The following PHF24 variants were observed in gnomAD, a reference collection of about 807,000 sequenced individuals.
PHF24 encodes the protein Galpha inhibitory interacting protein.
In PHF24, 25 loss-of-function variants were observed where a neutral mutation model predicts 42.6. That is an observed-to-expected ratio of 0.59 (90% CI 0.43 to 0.82). PHF24 has a LOEUF of 0.82. PHF24 is among the 40% of genes least tolerant of loss of function. The pLI, the probability that PHF24 is intolerant of heterozygous loss-of-function variation, is 0.00. For missense variants in PHF24, 470 were observed against 538.1 expected (o/e 0.87, Z 1.25); for synonymous variants, 185 against 204.8 (o/e 0.90, Z 0.83).
At chr9:34,885,763 G>A in the PHF24 span, among the ~76,000 whole-genome samples, 1 of 152,100 alleles carries the variant, frequency 6.6e-6, no homozygotes, top group South Asian at 2.1e-4. Flanking sequence ...GATCTCTCCT[G>A]CTGGTACAGT....
At chr9:34,978,654 T>C (rs541805478) in exon 8 of PHF24, 1 of 153,528 alleles carries the variant, frequency 6.5e-6, no homozygotes, top group Non-Finnish European at 1.5e-5. Flanking sequence ...AAATCCCTTC[T>C]GCAGTCAGCT....
chr9:34,741,439 C>T, the PHF24 span, among the ~76,000 whole-genome samples: 9 of 151,608 alleles, frequency 5.9e-5, no homozygotes, highest in South Asian at 2.1e-4. Context: ...CTTGGCTCAC[C>T]GCAACCTCCA....
In PHF24 at chr9:34,958,608, AC is replaced by A. The variant is rs1330512123; in HGVS notation, c.-5+212del. On this transcript the variant is annotated intron_variant, in intron 1 of 7. Coordinates refer to ENST00000242315, the Ensembl canonical transcript of PHF24. This position sits in a 1 kb window ranked among gnomAD's most constrained non-coding sequence, Gnocchi z 4.5. ...GCTGTGGGGAGCCGCCCCCATAAAG[AC>A]CCCCTGTGGGAATGGACTCCCGCGG... Among the ~76,000 whole-genome samples the A allele has an allele frequency of 2.0e-5, 3 of 151,136 alleles. No individual in the cohort carries two copies. The highest frequency in any genetic ancestry group is 4.4e-5 in the Non-Finnish European group (3 of 67,776).
At chr9:34,913,367 A>G in the PHF24 span, among the ~76,000 whole-genome samples, 8 of 152,328 alleles carry the variant, frequency 5.3e-5, no homozygotes, top group East Asian at 7.7e-4. Flanking sequence ...AATGAATTCA[A>G]GAAAACCATG....
At chr9:34,801,726 C>CAA in the PHF24 span, among the ~76,000 whole-genome samples, 5 of 146,134 alleles carry the variant, frequency 3.4e-5, no homozygotes, top group Admixed American at 6.8e-5. Flanking sequence ...GACTCCATCT[C>CAA]AAAAAAAAAA....
the PHF24 span, among the ~76,000 whole-genome samples, chr9:34,934,555 G>A: frequency 6.8e-6 from 1 of 147,844 alleles, no homozygotes. Flanking sequence ...CTCAGCAAAG[G>A]CTGAATTCTG....
chr9:34,827,899 C>T, the PHF24 span, among the ~76,000 whole-genome samples: 1 of 152,124 alleles, frequency 6.6e-6, no homozygotes, highest in East Asian at 1.9e-4. Flanking sequence ...TGCTGTTGCT[C>T]AGGTTCCATG....
At chr9:34,714,650 A>C in the PHF24 span, among the ~76,000 whole-genome samples, 5 of 152,198 alleles carry the variant, frequency 3.3e-5, no homozygotes, top group African/African-American at 1.2e-4. Context: ...CACACTCTAG[A>C]TTGACACAGA....
the PHF24 span, among the ~76,000 whole-genome samples, chr9:34,675,360 G>A: frequency 0.01 from 1,525 of 152,268 alleles, 14 homozygotes; most frequent in Non-Finnish European, 0.014. Context: ...GGCCTAAGTG[G>A]GCTGTCATGT....
At chr9:34,710,404 C>T in the PHF24 span, among the ~76,000 whole-genome samples, 23 of 152,160 alleles carry the variant, frequency 1.5e-4, no homozygotes, top group African/African-American at 2.6e-4. Context: ...CTCCTCACTA[C>T]GCTCCAGGAT....
the PHF24 span, among the ~76,000 whole-genome samples, chr9:34,795,762 C>T: frequency 6.3e-3 from 957 of 152,084 alleles, 8 homozygotes; most frequent in Middle Eastern, 0.041. Flanking sequence ...TTTGGGAGTC[C>T]GAGGTGGGAG....
chr9:34,700,405 A>T, the PHF24 span, among the ~76,000 whole-genome samples: 1 of 152,186 alleles, frequency 6.6e-6, no homozygotes, highest in Non-Finnish European at 1.5e-5. Context: ...GATTCTGGAA[A>T]CAAAGTAGAG....
the PHF24 span, among the ~76,000 whole-genome samples, chr9:34,878,780 G>A: frequency 2.0e-5 from 3 of 152,204 alleles, no homozygotes; most frequent in Admixed American, 1.3e-4. Context: ...TAGACTTCAC[G>A]TCTGGGGGCA....
chr9:34,743,667 GA>G, the PHF24 span, among the ~76,000 whole-genome samples: 1 of 152,156 alleles, frequency 6.6e-6, no homozygotes, highest in Non-Finnish European at 1.5e-5. Context: ...GAGTTTGTGC[GA>G]AAAATTTACA....
chr9:34,693,513 C>T, the PHF24 span, among the ~76,000 whole-genome samples: 3 of 152,114 alleles, frequency 2.0e-5, no homozygotes, highest in Non-Finnish European at 2.9e-5. Flanking sequence ...TTTTACTTCC[C>T]ACTTACCACA....
chr9:34,701,346 G>A, the PHF24 span, among the ~76,000 whole-genome samples: 1 of 152,178 alleles, frequency 6.6e-6, no homozygotes, highest in African/African-American at 2.4e-5. This position sits in a 1 kb window ranked among gnomAD's most constrained non-coding sequence, Gnocchi z 5.8. Context: ...ATGAATGTGC[G>A]TATCCCGAAC....
At chr9:34,682,206 C>T in the PHF24 span, among the ~76,000 whole-genome samples, 1 of 141,776 alleles carries the variant, frequency 7.1e-6, no homozygotes, top group African/African-American at 2.7e-5. Context: ...TCTCAAATTC[C>T]TGGGCTGAAA....
chr9:34,865,256 A>AAGAT, the PHF24 span, among the ~76,000 whole-genome samples: 3 of 151,612 alleles, frequency 2.0e-5, no homozygotes, highest in African/African-American at 7.3e-5. Flanking sequence ...GATGAATTAT[A>AAGAT]AGATAGTATT....
chr9:34,725,721 C>T, the PHF24 span: 12 of 1,546,186 alleles, frequency 7.8e-6, no homozygotes, highest in Admixed American at 3.9e-5. Flanking sequence ...TTGATCTGAG[C>T]TCGTTGATGG....
Sources: gnomAD v4.1 joint callset for allele counts (sites outside exome capture counted in the v4.1 genomes callset) on GRCh38, gnomAD v4.1.1 for gene constraint, Gnocchi (gnomAD v3.1) non-coding constraint, MANE v1.5 for transcripts, NCBI Gene and HGNC (gene_info 2026-07-23, HGNC 2026-07-21) for gene names.